LPIN1: variants seen among roughly 807,000 people sequenced by gnomAD.
The protein encoded by LPIN1 is lipin 1.
LPIN1 carries 71 observed loss-of-function variants against 107.5 expected under a neutral mutation model. The observed-to-expected ratio is 0.66, with a 90% confidence interval of 0.55 to 0.80. The LOEUF is 0.80. LPIN1 is among the 30% of genes least tolerant of loss of function. The pLI is 0.00. For synonymous variants in LPIN1, 445 were observed against 452.6 expected, an observed-to-expected ratio of 0.98 and a Z score of 0.21; for missense variants, 1,043 against 1,160.6, an observed-to-expected ratio of 0.90 and a Z score of 1.47.
chr2:11,722,886 A>G (rs184691295), upstream of LPIN1, among the ~76,000 whole-genome samples: 250 of 152,358 alleles, frequency 1.6e-3, no homozygotes, highest in Non-Finnish European at 3.0e-3. Flanking sequence ...GGACAACTGA[A>G]TGTGCTAGAT....
Position 11,803,054 on chromosome 2 carries a change from G to T in LPIN1, c.2013+21G>T. 1 of 1,611,772 alleles carries T rather than the reference G, an allele frequency of 6.2e-7. No homozygotes were observed. The highest frequency in any genetic ancestry group is 8.5e-7 in the Non-Finnish European group (1 of 1,180,012). On this transcript the variant is annotated intron_variant, in intron 15 of 20. Coordinates refer to ENST00000674199, the MANE Select transcript of LPIN1 (RefSeq NM_001349206.2). The surrounding 1 kb of genome is among the most constrained non-coding windows in gnomAD (Gnocchi z 4.2). ...AGCTTGTGAGTCTCCCATGCTTGGC[G>T]CGGCTGTGTTGTGAGCACATGAGGT... is the stretch of plus-strand genomic sequence containing the variant.
intron 1 of LPIN1, among the ~76,000 whole-genome samples, chr2:11,695,039 A>T (rs1422879907): frequency 2.0e-5 from 3 of 152,212 alleles, no homozygotes; most frequent in Non-Finnish European, 4.4e-5. Flanking sequence ...CCAGGTGGTC[A>T]TGAGGCTACA....
chr2:11,741,191 T>TA (rs1343438573), intron 1 of LPIN1: 1 of 561,474 alleles, frequency 1.8e-6, no homozygotes, highest in Non-Finnish European at 3.2e-6. Flanking sequence ...AGCATCCCCA[T>TA]AGAGGGACTG....
upstream of LPIN1, among the ~76,000 whole-genome samples, chr2:11,720,980 CT>C (rs2148533325): frequency 6.6e-6 from 1 of 152,192 alleles, no homozygotes; most frequent in Non-Finnish European, 1.5e-5. Context: ...GACTGCCTCC[CT>C]CTCTTCCATT....
intron 1 of LPIN1, among the ~76,000 whole-genome samples, chr2:11,693,814 A>C: frequency 3.0e-5 from 1 of 32,958 alleles, no homozygotes; most frequent in South Asian, 2.4e-3. Context: ...ATATATATAT[A>C]TATATATATT....
At position 11,736,210 on chromosome 2, in the gene LPIN1, C is replaced by T. The variant is rs113850355; in HGVS notation, c.-71-5139C>T. Among the ~76,000 whole-genome samples the T allele has an allele frequency of 5.3e-5, 8 of 152,326 alleles. 1 individual carries two copies. Among genetic ancestry groups the T allele is most frequent in the African/African-American group, 1.9e-4 (8 of 41,562 alleles). ...GCCCTTTAGGATGCGAGCATCTTTTCAGGTCTCTTTAGAATGCTGTCTTAG... is the reference window on the plus strand; with the variant it reads ...GCCCTTTAGGATGCGAGCATCTTTTTAGGTCTCTTTAGAATGCTGTCTTAG... On this transcript the variant is annotated intron_variant, in intron 1 of 21. Transcript: ENST00000396097.
rs888759800 is a variant in LPIN1, at chr2:11,765,342, G to A, written c.-9-191G>A. On this transcript the variant is annotated intron_variant, in intron 1 of 20. Transcript: ENST00000674199. The surrounding 1 kb of genome is among the most constrained non-coding windows in gnomAD (Gnocchi z 4.4). ...GGGCCATGATGGACACTGATGGGCC[G>A]TGATGGGCCCTGATGGGCCCTGATG... is the stretch of plus-strand genomic sequence containing the variant. Among the ~76,000 whole-genome samples the A allele has an allele frequency of 5.9e-5, 9 of 152,034 alleles. No homozygotes were observed. The highest frequency in any genetic ancestry group is 1.9e-4 in the East Asian group (1 of 5,158).
At chr2:11,727,044 G>A (rs1409077479) in intron 1 of LPIN1, among the ~76,000 whole-genome samples, 2 of 152,224 alleles carry the variant, frequency 1.3e-5, no homozygotes, top group South Asian at 2.1e-4. Context: ...TTGATTAAAG[G>A]GGTGTCTCCC....
chr2:11,760,449 G>C (rs1436913735), intron 1 of LPIN1, among the ~76,000 whole-genome samples: 1 of 152,266 alleles, frequency 6.6e-6, no homozygotes, highest in East Asian at 1.9e-4. Context: ...GGAGGCCGAG[G>C]CTGGCAGATC....
intron 2 of LPIN1, chr2:11,713,821 C>T (rs554219611): frequency 1.5e-4 from 222 of 1,501,170 alleles, no homozygotes; most frequent in Non-Finnish European, 1.8e-4. Flanking sequence ...ACGTGAGTGC[C>T]GCTGTGATAG....
intron 6 of LPIN1, chr2:11,777,155 G>A (rs1672796155): frequency 6.6e-6 from 1 of 152,160 alleles, no homozygotes; most frequent in South Asian, 2.1e-4. Flanking sequence ...GGAGCACTTT[G>A]GAGTCATCTT....
chr2:11,796,460 A>G (rs1370638284), intron 14 of LPIN1, among the ~76,000 whole-genome samples: 4 of 152,140 alleles, frequency 2.6e-5, no homozygotes, highest in Non-Finnish European at 5.9e-5. Context: ...CAGGTGGGAA[A>G]TGACCTGATT....
chr2:11,767,756 C>T lies in LPIN1; in HGVS notation c.193-7C>T. 1 of 1,583,194 alleles carries T rather than the reference C, an allele frequency of 6.3e-7. No homozygotes were observed. The highest frequency in any genetic ancestry group is 8.7e-7 in the Non-Finnish European group (1 of 1,151,724). ...TCATTCTTTTCTTAACCATGTTTTC[C>T]CTTCAGGTTGACATAGAAATCAATG... On this transcript the variant is annotated splice_region_variant and splice_polypyrimidine_tract_variant and intron_variant, in intron 2 of 20. Coordinates refer to ENST00000674199, the MANE Select transcript of LPIN1 (RefSeq NM_001349206.2).
At position 11,779,499 on chromosome 2, in the gene LPIN1, C is replaced by A. The variant is rs775811236; in HGVS notation, c.831-20C>A. Reference sequence around the variant, plus strand: ...AAGTTTCTTTTCCCACCTTAATTTTCGCTTTGTGTTTTCCTTAAGTCCTTC... The same window carrying A: ...AAGTTTCTTTTCCCACCTTAATTTTAGCTTTGTGTTTTCCTTAAGTCCTTC... On this transcript the variant is annotated intron_variant, in intron 6 of 20. Transcript: ENST00000674199. The A allele has an allele frequency of 1.9e-6, 3 of 1,612,330 alleles. No homozygotes were observed. In the South Asian group the frequency reaches 3.3e-5, roughly 18 times the overall value.
chr2:11,692,041 G>A (rs2148508021), intron 1 of LPIN1, among the ~76,000 whole-genome samples: 1 of 152,234 alleles, frequency 6.6e-6, no homozygotes, highest in East Asian at 1.9e-4. Flanking sequence ...TGAGTTCTGG[G>A]GGCTGTCACT....
At chr2:11,813,897 G>A (rs1680111257) in intron 17 of LPIN1, among the ~76,000 whole-genome samples, 2 of 152,084 alleles carry the variant, frequency 1.3e-5, no homozygotes, top group South Asian at 2.1e-4. Flanking sequence ...CTGGGGGACA[G>A]AGCAAGACTC....
At chr2:11,709,654 G>A (rs1201821495) in intron 1 of LPIN1, among the ~76,000 whole-genome samples, 1 of 152,146 alleles carries the variant, frequency 6.6e-6, no homozygotes, top group Non-Finnish European at 1.5e-5. Flanking sequence ...AGCTGACTTT[G>A]GTAGTACCGT....
chr2:11,802,468 A>T (rs770277305), intron 14 of LPIN1, among the ~76,000 whole-genome samples: 2 of 152,086 alleles, frequency 1.3e-5, no homozygotes, highest in Admixed American at 6.5e-5. Context: ...AATTGCTTGG[A>T]GTTGTATATT....
At chr2:11,679,382 C>T (rs768243024) in intron 1 of LPIN1, among the ~76,000 whole-genome samples, 1 of 152,196 alleles carries the variant, frequency 6.6e-6, no homozygotes, top group East Asian at 1.9e-4. Flanking sequence ...TGTCTGTTTT[C>T]TGCTTATGTT....
Sources: allele counts gnomAD v4.1 joint callset (sites outside exome capture counted in the v4.1 genomes callset), GRCh38; gene constraint gnomAD v4.1.1; non-coding constraint Gnocchi (gnomAD v3.1); transcripts MANE v1.5; gene names NCBI Gene and HGNC (gene_info 2026-07-23, HGNC 2026-07-21).